SPAG16: variants seen among roughly 807,000 people sequenced by gnomAD.
SPAG16 encodes sperm-associated antigen 16 protein.
A neutral mutation model predicts 80.4 loss-of-function variants in SPAG16; 86 were observed. That is an observed-to-expected ratio of 1.07 (90% CI 0.90 to 1.28). The LOEUF (loss-of-function observed/expected upper bound fraction) is 1.28. SPAG16 is among the 50% of genes most tolerant of loss of function. The pLI is 0.00. For synonymous variants in SPAG16, 294 were observed against 265.9 expected, an observed-to-expected ratio of 1.11 and a Z score of -1.03; for missense variants, 870 against 765.3, an observed-to-expected ratio of 1.14 and a Z score of -1.61.
chr2:213,296,085 C>T lies in SPAG16; in HGVS notation c.158C>T (p.Ser53Phe). 1 of 1,609,118 alleles carries T rather than the reference C, an allele frequency of 6.2e-7. No homozygotes were observed. The highest frequency in any genetic ancestry group is 8.5e-7 in the Non-Finnish European group (1 of 1,176,290). The change falls in exon 2 of 16, where the codon TCT becomes TTT. Residue 53 changes from serine to phenylalanine, a missense_variant. By Grantham distance (155) the Ser-to-Phe change is radical. Coordinates refer to ENST00000331683, the MANE Select transcript of SPAG16 (RefSeq NM_024532.5). ...TCAGAGGTCACCATAACTGAAGCAT[C>T]TGAAGATGACTATGAATATGAAGAG... ...YLEQVTITEA[S>F]EDDYEYEEIP... is the part of the protein sequence containing the mutation.
intron 15 of SPAG16, among the ~76,000 whole-genome samples, chr2:214,160,672 A>G (rs2056401619): frequency 6.6e-6 from 1 of 151,882 alleles, no homozygotes; most frequent in African/African-American, 2.4e-5. Flanking sequence ...GTATATATAG[A>G]GAAAATTATT....
intron 10 of SPAG16, among the ~76,000 whole-genome samples, chr2:213,579,518 G>T (rs1238965109): frequency 1.3e-5 from 2 of 152,028 alleles, no homozygotes; most frequent in Non-Finnish European, 2.9e-5. Flanking sequence ...TAAAATAAGT[G>T]CACTCTCCTT....
chr2:213,872,213 A>G (rs1049275222), intron 11 of SPAG16, among the ~76,000 whole-genome samples: 1 of 152,120 alleles, frequency 6.6e-6, no homozygotes, highest in Non-Finnish European at 1.5e-5. Context: ...GTGATGTGAC[A>G]TGAAAAAGGG....
chr2:213,795,617 A>G (rs2070976447), intron 10 of SPAG16, among the ~76,000 whole-genome samples: 1 of 152,178 alleles, frequency 6.6e-6, no homozygotes. Context: ...GATCAGTTGT[A>G]ATCCTCAGTG....
intron 10 of SPAG16, among the ~76,000 whole-genome samples, chr2:213,757,577 A>G (rs1320346214): frequency 6.6e-6 from 1 of 152,180 alleles, no homozygotes; most frequent in African/African-American, 2.4e-5. Flanking sequence ...TGTCTGATAT[A>G]TAACTATTTT....
intron 13 of SPAG16, among the ~76,000 whole-genome samples, chr2:214,039,578 T>C (rs913723496): frequency 2.6e-5 from 4 of 152,322 alleles, no homozygotes; most frequent in African/African-American, 9.6e-5. Flanking sequence ...ATCCAGAATC[T>C]GCAATGAACT....
At chr2:213,744,696 G>C (rs898063234) in intron 10 of SPAG16, among the ~76,000 whole-genome samples, 2 of 152,148 alleles carry the variant, frequency 1.3e-5, no homozygotes, top group Non-Finnish European at 2.9e-5. Context: ...TAATCATTAA[G>C]GGATGGAGGA....
intron 14 of SPAG16, among the ~76,000 whole-genome samples, chr2:214,144,164 G>A (rs1047018857): frequency 6.6e-6 from 1 of 152,018 alleles, no homozygotes; most frequent in Admixed American, 6.6e-5. Flanking sequence ...AGATTTAAAA[G>A]TAAAGTAAAA....
At chr2:213,499,176 C>T (rs2074630531) in intron 10 of SPAG16, among the ~76,000 whole-genome samples, 1 of 152,102 alleles carries the variant, frequency 6.6e-6, no homozygotes, top group Non-Finnish European at 1.5e-5. Flanking sequence ...CATGCATTGG[C>T]TCATGTTCCT....
At chr2:213,971,127 A>G (rs2045028823) in intron 12 of SPAG16, among the ~76,000 whole-genome samples, 1 of 152,310 alleles carries the variant, frequency 6.6e-6, no homozygotes, top group East Asian at 1.9e-4. Context: ...CACTAAAGTT[A>G]TATAGTTTAT....
intron 10 of SPAG16, among the ~76,000 whole-genome samples, chr2:213,604,314 A>C (rs766686141): frequency 3.3e-5 from 5 of 151,824 alleles, no homozygotes; most frequent in Non-Finnish European, 5.9e-5. Flanking sequence ...TTTTTTACAG[A>C]ACTCTTATTT....
intron 10 of SPAG16, among the ~76,000 whole-genome samples, chr2:213,792,400 T>G (rs1164356774): frequency 6.6e-6 from 1 of 152,108 alleles, no homozygotes; most frequent in Admixed American, 6.6e-5. Flanking sequence ...TGCTACAAAA[T>G]TTTCAACTTA....
intron 10 of SPAG16, among the ~76,000 whole-genome samples, chr2:213,857,812 T>G (rs2075241049): frequency 6.6e-6 from 1 of 152,214 alleles, no homozygotes; most frequent in Admixed American, 6.5e-5. Flanking sequence ...GAAAACCTTC[T>G]GGAAAGAGAC....
chr2:214,042,093 C>CTT (rs1385454573), intron 13 of SPAG16, among the ~76,000 whole-genome samples: 1 of 134,146 alleles, frequency 7.5e-6, no homozygotes, highest in African/African-American at 2.7e-5. Context: ...TTTTCTTTTT[C>CTT]TTTTTTTTTT....
chr2:213,666,727 T>C (rs1467237981), intron 10 of SPAG16, among the ~76,000 whole-genome samples: 1 of 152,160 alleles, frequency 6.6e-6, no homozygotes, highest in East Asian at 1.9e-4. Flanking sequence ...AGGGTTTGAT[T>C]CAGTTTCCAG....
intron 10 of SPAG16, among the ~76,000 whole-genome samples, chr2:213,493,004 C>T (rs2074333517): frequency 6.6e-6 from 1 of 152,084 alleles, no homozygotes; most frequent in Non-Finnish European, 1.5e-5. Context: ...ACTCAGACAC[C>T]TTGCGAATCA....
chr2:214,240,719 A>C (rs1172840497), intron 15 of SPAG16: 2 of 152,232 alleles, frequency 1.3e-5, no homozygotes, highest in African/African-American at 4.8e-5. Context: ...AAATCATCTA[A>C]GATTATAATG....
chr2:214,287,181 A>G (rs191710761), intron 15 of SPAG16, among the ~76,000 whole-genome samples: 1 of 152,272 alleles, frequency 6.6e-6, no homozygotes, highest in African/African-American at 2.4e-5. Flanking sequence ...ACCATTTCCT[A>G]TTGATTATAT....
intron 10 of SPAG16, among the ~76,000 whole-genome samples, chr2:213,668,423 T>C (rs1448622293): frequency 2.0e-5 from 3 of 151,972 alleles, no homozygotes; most frequent in Non-Finnish European, 4.4e-5. Flanking sequence ...GCAATTATGA[T>C]TGTGAACATC....
Sources: gnomAD v4.1 joint callset for allele counts (sites outside exome capture counted in the v4.1 genomes callset) on GRCh38, gnomAD v4.1.1 for gene constraint, MANE v1.5 for transcripts, NCBI Gene and HGNC (gene_info 2026-07-23, HGNC 2026-07-21) for gene names.